ADAM23: variants seen among roughly 807,000 people sequenced by gnomAD.
The protein encoded by ADAM23 is disintegrin and metalloproteinase domain-containing protein 23.
Under a neutral mutation model 120.1 loss-of-function variants are expected in ADAM23, and 33 were observed. The observed-to-expected ratio is 0.27, with a 90% CI of 0.21 to 0.37. The LOEUF is 0.37. Ranked by LOEUF, ADAM23 falls within the 10% of genes least tolerant of loss-of-function variation. The probability of loss-of-function intolerance (pLI) is 1.00; values close to 1 mark genes in which losing one functional copy is unlikely to be tolerated. For synonymous variants in ADAM23, 367 were observed against 375.2 expected (o/e 0.98, Z 0.25); for missense variants, 862 against 1,058.2 (o/e 0.81, Z 2.57).
At chr2:206,520,985 C>T (rs1403279915) in intron 3 of ADAM23, among the ~76,000 whole-genome samples, 3 of 152,012 alleles carry the variant, frequency 2.0e-5, no homozygotes. Context: ...GATTTGTACA[C>T]AGTGGTCCCT....
At chr2:206,525,079 C>G (rs1284432058) in intron 3 of ADAM23, among the ~76,000 whole-genome samples, 1 of 152,168 alleles carries the variant, frequency 6.6e-6, no homozygotes, top group African/African-American at 2.4e-5. Context: ...GTCTGTTGTC[C>G]TGGCACAATT....
Position 206,619,454 on chromosome 2 carries a change from C to A in ADAM23, c.*1827C>A, listed in dbSNP as rs990123517. On this transcript the variant is annotated 3_prime_UTR_variant, in exon 26 of 26. Coordinates refer to ENST00000264377, the MANE Select transcript of ADAM23 (RefSeq NM_003812.4). ...GTATGTGATCACTTCAGTGAGCATC[C>A]CTCTATAGATGGGCTTTAGTAAAGA... 1 of 152,012 alleles carries A rather than the reference C, an allele frequency of 6.6e-6. No homozygotes were observed. The highest frequency in any genetic ancestry group is 1.5e-5 in the Non-Finnish European group (1 of 68,024). 9.4% of individuals were successfully genotyped at this position (152,012 alleles called of 1,614,324 possible). A position where few individuals can be genotyped will look rare whatever the true frequency, so the allele number is the denominator to read the frequency against.
At chr2:206,461,070 T>TC (rs1695407983) in intron 2 of ADAM23, among the ~76,000 whole-genome samples, 1 of 150,134 alleles carries the variant, frequency 6.7e-6, no homozygotes. Flanking sequence ...CTTCTTTTTT[T>TC]TTTTTTTTTT....
At position 206,565,097 on chromosome 2, in the gene ADAM23, A is replaced by G. The variant is rs372100149; in HGVS notation, c.1394+29A>G. On this transcript the variant is annotated intron_variant, in intron 14 of 25. Transcript: ENST00000264377. ...AATTTTCATTATGCGTGCATTTGAT[A>G]TATGCCTTTTGCTAAAATTGCTGTG... The G allele has an allele frequency of 5.6e-6, 9 of 1,612,304 alleles. No homozygotes were observed. The African/African-American group carries it at 6.7e-5, about 12-fold the overall frequency.
At position 206,461,063 on chromosome 2, in the gene ADAM23, CT is replaced by C. The variant is rs565925215; in HGVS notation, c.432+15556del. Among the ~76,000 whole-genome samples, 619 of 137,024 alleles carry C rather than the reference CT, an allele frequency of 4.5e-3. 2 individuals carry two copies. The highest frequency in any genetic ancestry group is 0.014 in the African/African-American group (507 of 37,324). 89.9% of individuals were successfully genotyped at this position (137,024 alleles called of 152,430 possible). ...AATTTCTTTCATTCTTTTTCTTCTTCTTTTTTTTTTTTTTTTTGAGATGGAG... is the reference window on the plus strand; with the variant it reads ...AATTTCTTTCATTCTTTTTCTTCTTCTTTTTTTTTTTTTTTTGAGATGGAG... On this transcript the variant is annotated intron_variant, in intron 2 of 25. Coordinates refer to ENST00000264377, the MANE Select transcript of ADAM23 (RefSeq NM_003812.4).
At chr2:206,573,683 A>G (rs1698052445) in intron 18 of ADAM23, among the ~76,000 whole-genome samples, 1 of 152,222 alleles carries the variant, frequency 6.6e-6, no homozygotes, top group African/African-American at 2.4e-5. Flanking sequence ...TTCACCAAGC[A>G]GCACAGTAAC....
intron 2 of ADAM23, among the ~76,000 whole-genome samples, chr2:206,470,354 C>T (rs567470062): frequency 1.6e-4 from 24 of 151,984 alleles, no homozygotes; most frequent in Admixed American, 1.0e-3. Context: ...ATTACATGGA[C>T]GTGGTGAGAC....
rs748026373 is a variant in ADAM23, at chr2:206,481,304, A to T, written c.505A>T (p.Asn169Tyr). The T allele has an allele frequency of 6.2e-7, 1 of 1,602,854 alleles. No individual in the cohort carries two copies. Among genetic ancestry groups the T allele is most frequent in the East Asian group, 2.3e-5 (1 of 44,354 alleles). Residue 169 changes from asparagine (N) to tyrosine (Y), a missense_variant, in exon 3 of 26, where the codon AAC (asparagine) becomes TAC (tyrosine). Asn to Tyr is a moderately radical substitution (Grantham distance 143). Coordinates refer to ENST00000264377, the MANE Select transcript of ADAM23 (RefSeq NM_003812.4). ...GSKFILDLIL[N>Y]NGLLSSDYVE... ...CAAATTCATTCTTGACCTCATACTG[A>T]ACAAGTGAGTATTTAGACATAATCT...
At position 206,586,852 on chromosome 2, in the gene ADAM23, T is replaced by TA. The variant is rs569267171; in HGVS notation, c.1738-472dup. Reference sequence around the variant, plus strand: ...ATTAATATAATGGAGATATAGCACTTACTTTGTGTTGAAAGGCAGAGTATT... The same window carrying TA: ...ATTAATATAATGGAGATATAGCACTTAACTTTGTGTTGAAAGGCAGAGTATT... On this transcript the variant is annotated intron_variant, in intron 18 of 25. Transcript: ENST00000264377. Among the ~76,000 whole-genome samples the TA allele has an allele frequency of 6.7e-3, 1,014 of 152,348 alleles. 12 individuals carry two copies. The highest frequency in any genetic ancestry group is 0.023 in the African/African-American group (973 of 41,576).
chr2:206,530,686 T>C (rs1437353160), intron 3 of ADAM23, among the ~76,000 whole-genome samples, 199 bp from the exon 4 acceptor site: 1 of 148,432 alleles, frequency 6.7e-6, no homozygotes. Flanking sequence ...TTTTTTTTTT[T>C]TTTTTCTGCA....
chr2:206,511,949 C>T (rs1269394833), intron 3 of ADAM23, among the ~76,000 whole-genome samples: 1 of 152,148 alleles, frequency 6.6e-6, no homozygotes, highest in Non-Finnish European at 1.5e-5. Context: ...ACATATTTCC[C>T]TAGGTATGTT....
At chr2:206,535,347 C>T (rs1418212926) in intron 4 of ADAM23, among the ~76,000 whole-genome samples, 1 of 152,166 alleles carries the variant, frequency 6.6e-6, no homozygotes, top group African/African-American at 2.4e-5. Context: ...CCCTCATACA[C>T]AGCTTGTGGG....
At chr2:206,577,905 C>T (rs1308904894) in intron 18 of ADAM23, among the ~76,000 whole-genome samples, 1 of 151,194 alleles carries the variant, frequency 6.6e-6, no homozygotes, top group Non-Finnish European at 1.5e-5. Flanking sequence ...CCTATTTCTC[C>T]ACATCCTCTC....
intron 4 of ADAM23, among the ~76,000 whole-genome samples, chr2:206,537,133 G>A (rs1163912371): frequency 6.6e-6 from 1 of 152,120 alleles, no homozygotes; most frequent in Non-Finnish European, 1.5e-5. Context: ...AACAGATAAA[G>A]ATCCCTGCCC....
intron 3 of ADAM23, among the ~76,000 whole-genome samples, chr2:206,528,600 C>T (rs1324373935): frequency 1.3e-5 from 2 of 152,156 alleles, no homozygotes; most frequent in Non-Finnish European, 2.9e-5. Context: ...CCTTTCCAGC[C>T]CTCTTCACTG....
intron 2 of ADAM23, among the ~76,000 whole-genome samples, chr2:206,457,946 A>G (rs1695332861): frequency 6.6e-6 from 1 of 152,228 alleles, no homozygotes; most frequent in East Asian, 1.9e-4. Flanking sequence ...TTTTGTCAGC[A>G]TGTGAAATGC....
At chr2:206,501,926 A>G (rs1470899162) in intron 3 of ADAM23, among the ~76,000 whole-genome samples, 2 of 152,174 alleles carry the variant, frequency 1.3e-5, no homozygotes, top group African/African-American at 4.8e-5. Context: ...CATTCTGGTT[A>G]GAATTGAAAT....
In ADAM23 at chr2:206,548,297, C is replaced by T; in HGVS notation, c.810C>T (p.Asp270=). 1.9e-6 allele frequency: 3 copies of T among 1,612,350 alleles called. No homozygotes were observed. The highest frequency in any genetic ancestry group is 2.5e-6 in the Non-Finnish European group (3 of 1,179,902). ...QMKNLTMERG[D]QWPFLSELQW... ...TTTCTGCAGCTATGGAAAGAGGTGACCAGTGGCCCTTTCTCTCTGAATTAC... is the reference window on the plus strand; with the variant it reads ...TTTCTGCAGCTATGGAAAGAGGTGATCAGTGGCCCTTTCTCTCTGAATTAC... The change falls in exon 8 of 26, where the codon GAC becomes GAT. Residue 270 remains aspartate, a synonymous_variant. Coordinates refer to ENST00000264377, the MANE Select transcript of ADAM23 (RefSeq NM_003812.4).
intron 18 of ADAM23, among the ~76,000 whole-genome samples, chr2:206,582,061 A>G (rs559481018): frequency 4.1e-4 from 62 of 152,160 alleles, no homozygotes; most frequent in Non-Finnish European, 7.9e-4. Flanking sequence ...TATTTTTAGT[A>G]GAGACAGAGT....
Sources: allele counts gnomAD v4.1 joint callset (sites outside exome capture counted in the v4.1 genomes callset), GRCh38; gene constraint gnomAD v4.1.1; transcripts MANE v1.5; gene names NCBI Gene and HGNC (gene_info 2026-07-23, HGNC 2026-07-21).